Variants in HDAC9 observed in about 807,000 individuals in gnomAD.
HDAC9 encodes MEF-2 interacting transcription repressor (MITR) protein.
In HDAC9, 41 loss-of-function variants were observed where a neutral mutation model predicts 139.4. The observed-to-expected ratio is 0.29, with a 90% CI of 0.23 to 0.38. The LOEUF (loss-of-function observed/expected upper bound fraction) is 0.38, where lower values mean the gene tolerates loss of function less well. HDAC9 is among the 10% of genes least tolerant of loss of function. HDAC9 has a pLI of 1.00. For synonymous variants in HDAC9, 517 were observed against 476.2 expected (o/e 1.09, Z -1.12); for missense variants, 1,147 against 1,297.0 (o/e 0.88, Z 1.78).
intron 25 of HDAC9, among the ~76,000 whole-genome samples, chr7:18,980,744 TC>T (rs201110835): frequency 0.5 from 54,927 of 110,240 alleles, 11,210 homozygotes; most frequent in East Asian, 0.63. Context: ...TTCTTCTTCT[TC>T]CTTCTTCTTC....
At chr7:18,577,782 G>GC (rs1158910262) in intron 2 of HDAC9, among the ~76,000 whole-genome samples, 3 of 152,084 alleles carry the variant, frequency 2.0e-5, no homozygotes, top group African/African-American at 7.2e-5. Context: ...CAGTGGTTTA[G>GC]CCCCCCAAAA....
chr7:18,767,322 C>T lies in HDAC9; in HGVS notation c.2214+167C>T, dbSNP rs116539949. ...TAAGTGCCAAGTAAAAACGTGGCAG[C>T]CCTTGTTAAAAATAAATTCTTAAGA... On this transcript the variant is annotated intron_variant, in intron 16 of 25. Transcript: ENST00000686413. Among the ~76,000 whole-genome samples the T allele has an allele frequency of 5.3e-3, 808 of 152,242 alleles. 5 individuals carry two copies. The highest frequency in any genetic ancestry group is 0.019 in the African/African-American group (771 of 41,548).
chr7:18,723,283 C>A (rs1774434593), intron 12 of HDAC9, among the ~76,000 whole-genome samples: 1 of 151,860 alleles, frequency 6.6e-6, no homozygotes, highest in Admixed American at 6.6e-5. Flanking sequence ...TTATTAAAGC[C>A]CACTATGTGT....
chr7:18,115,471 A>T (rs1783918859), intron 1 of HDAC9, among the ~76,000 whole-genome samples: 1 of 152,248 alleles, frequency 6.6e-6, no homozygotes, highest in Non-Finnish European at 1.5e-5. Context: ...TTATTTGCAA[A>T]ATTACATTCC....
At chr7:18,777,083 G>T (rs910623061) in intron 16 of HDAC9, among the ~76,000 whole-genome samples, 2 of 151,958 alleles carry the variant, frequency 1.3e-5, no homozygotes, top group Admixed American at 1.3e-4. Flanking sequence ...TATAGAGAAG[G>T]TTGGGGGTGG....
chr7:18,897,745 A>C (rs546206655), intron 22 of HDAC9, among the ~76,000 whole-genome samples: 2 of 151,758 alleles, frequency 1.3e-5, no homozygotes, highest in African/African-American at 2.4e-5. Flanking sequence ...GAGTATAATG[A>C]AGTTTTAAAA....
intron 14 of HDAC9, among the ~76,000 whole-genome samples, chr7:18,759,768 C>T (rs536670123): frequency 1.3e-5 from 2 of 152,140 alleles, no homozygotes; most frequent in South Asian, 2.1e-4. Context: ...ATCTCGTTAG[C>T]AGATGAGTGT....
chr7:18,445,937 T>G (rs1792253403), intron 1 of HDAC9, among the ~76,000 whole-genome samples: 1 of 152,226 alleles, frequency 6.6e-6, no homozygotes, highest in African/African-American at 2.4e-5. Flanking sequence ...TATCTTAGGA[T>G]TGTGCGTGAG....
intron 2 of HDAC9, among the ~76,000 whole-genome samples, chr7:18,505,427 G>C (rs1183641598): frequency 1.3e-5 from 2 of 152,096 alleles, no homozygotes; most frequent in African/African-American, 2.4e-5. Context: ...ATTTCAACTT[G>C]CAATGTGAAA....
rs1316248851 is a variant in HDAC9 at position 18,618,693 on chromosome 7, G to C, written c.665-10657G>C. Reference sequence around the variant, plus strand: ...CTTTTCATGCCATTTCTATTTGAATGGTATATAAAAGATATATCTAGTACA... The same window carrying C: ...CTTTTCATGCCATTTCTATTTGAATCGTATATAAAAGATATATCTAGTACA... On this transcript the variant is annotated intron_variant, in intron 6 of 25. Coordinates refer to ENST00000686413, the MANE Select transcript of HDAC9 (RefSeq NM_178425.4). 3.0e-5 allele frequency among the ~76,000 whole-genome samples: 4 copies of C among 133,294 alleles called. No homozygotes were observed. In the Admixed American group the frequency reaches 3.2e-4, roughly 11 times the overall value. 87.4% of individuals were successfully genotyped at this position (133,294 alleles called of 152,430 possible).
chr7:18,820,195 A>G (rs1220116617), intron 17 of HDAC9, among the ~76,000 whole-genome samples: 2 of 152,180 alleles, frequency 1.3e-5, no homozygotes, highest in African/African-American at 4.8e-5. Context: ...TCTGATAGTT[A>G]TATTTTGTGA....
intron 12 of HDAC9, among the ~76,000 whole-genome samples, chr7:18,693,936 T>C (rs963141977): frequency 1.1e-4 from 16 of 152,236 alleles, no homozygotes; most frequent in Non-Finnish European, 2.1e-4. Flanking sequence ...GAGAATGAAA[T>C]TGAGGGTAGT....
chr7:18,861,780 A>G (rs1798129118), intron 21 of HDAC9, among the ~76,000 whole-genome samples: 1 of 152,220 alleles, frequency 6.6e-6, no homozygotes, highest in Non-Finnish European at 1.5e-5. Context: ...CTAAAGCAAT[A>G]TAAACTTACT....
At chr7:18,165,193 A>G (rs1456902391) in intron 2 of HDAC9, among the ~76,000 whole-genome samples, 1 of 152,178 alleles carries the variant, frequency 6.6e-6, no homozygotes, top group African/African-American at 2.4e-5. Context: ...TTTTCAAAAC[A>G]TGTCAGATAG....
chr7:18,292,054 T>G (rs1383786150), intron 1 of HDAC9, among the ~76,000 whole-genome samples: 1 of 152,056 alleles, frequency 6.6e-6, no homozygotes. Flanking sequence ...ATGAGAATGG[T>G]GAAATTCTGA....
Position 18,689,244 on chromosome 7 carries a change from T to G in HDAC9, c.1731+22768T>G, listed in dbSNP as rs568554093. ...TATTGCAACTTCCAAATGAATACATTATTTCCCTCCCACCGTAGGATAAAT... is the reference window on the plus strand; with the variant it reads ...TATTGCAACTTCCAAATGAATACATGATTTCCCTCCCACCGTAGGATAAAT... On this transcript the variant is annotated intron_variant, in intron 12 of 25. Transcript: ENST00000686413. 2.5e-5 allele frequency among the ~76,000 whole-genome samples: 3 copies of G among 120,126 alleles called. No individual in the cohort carries two copies. In the Middle Eastern group the frequency reaches 0.011, roughly 458 times the overall value. 78.8% of individuals were successfully genotyped at this position (120,126 alleles called of 152,430 possible). A position where few individuals can be genotyped will look rare whatever the true frequency, so the allele number is the denominator to read the frequency against.
intron 2 of HDAC9, among the ~76,000 whole-genome samples, chr7:18,245,214 T>C (rs1209732368): frequency 6.6e-6 from 1 of 152,126 alleles, no homozygotes; most frequent in Non-Finnish European, 1.5e-5. Context: ...CTCCCAAAGG[T>C]TTACTGCTTA....
chr7:18,765,198 C>T (rs998667012), intron 15 of HDAC9, among the ~76,000 whole-genome samples: 2 of 151,944 alleles, frequency 1.3e-5, no homozygotes, highest in Admixed American at 1.3e-4. Flanking sequence ...AATTATATGC[C>T]TGTTTTGTAT....
In HDAC9 at chr7:19,001,728, G is replaced by A. The variant is rs951967236; in HGVS notation, c.*5666G>A. The A allele has an allele frequency of 4.6e-5, 7 of 151,970 alleles. No individual in the cohort carries two copies. The highest frequency in any genetic ancestry group is 1.0e-4 in the Non-Finnish European group (7 of 67,932). 9.4% of individuals were successfully genotyped at this position (151,970 alleles called of 1,614,324 possible). ...CTACCTCCACAGTAACTATGATATA[G>A]GAAATTGTCCTTTCAGTGGTTTCTA... On this transcript the variant is annotated 3_prime_UTR_variant, in exon 26 of 26. Coordinates refer to ENST00000686413, the MANE Select transcript of HDAC9 (RefSeq NM_178425.4).
Sources: allele counts gnomAD v4.1 joint callset (sites outside exome capture counted in the v4.1 genomes callset), GRCh38; gene constraint gnomAD v4.1.1; transcripts MANE v1.5; gene names NCBI Gene and HGNC (gene_info 2026-07-23, HGNC 2026-07-21).